BRF1: variants seen among roughly 807,000 people sequenced by gnomAD.
The protein encoded by BRF1 is BRF1 general transcription factor IIIB subunit.
In BRF1, 59 loss-of-function variants were observed where a neutral mutation model predicts 81.7. The ratio of observed to expected loss-of-function variants is 0.72; its 90% CI spans 0.59 to 0.90. The LOEUF (loss-of-function observed/expected upper bound fraction) is 0.90. Among genes scored for constraint, BRF1 ranks in the 40% least tolerant of loss-of-function variants. The pLI is 0.00. For synonymous variants in BRF1, 491 were observed against 395.6 expected, an observed-to-expected ratio of 1.24 and a Z score of -2.86; for missense variants, 1,050 against 936.3, an observed-to-expected ratio of 1.12 and a Z score of -1.58.
At chr14:105,220,208 A>G in intron 11 of BRF1, 78 bp from the exon 12 acceptor site, 1 of 1,566,808 alleles carries the variant, frequency 6.4e-7, no homozygotes, top group Non-Finnish European at 8.7e-7. Context: ...GGGCTGGCTC[A>G]GGACCCTGGG....
intron 4 of BRF1, among the ~76,000 whole-genome samples, chr14:105,253,242 C>G (rs867363676): frequency 6.6e-6 from 1 of 152,202 alleles, no homozygotes; most frequent in Non-Finnish European, 1.5e-5. Context: ...TGCCGTGGGC[C>G]GAGTACCCCT....
At chr14:105,241,575 C>G in intron 5 of BRF1, 161 bp from the exon 6 acceptor site, 4 of 930,392 alleles carry the variant, frequency 4.3e-6, no homozygotes, top group Non-Finnish European at 4.8e-6. Flanking sequence ...TGACCCTCAG[C>G]TAGGGCAGCC....
At position 105,310,313 on chromosome 14, in the gene BRF1, G is replaced by C. The variant is rs587751964; in HGVS notation, c.-162+5009C>G. On this transcript the variant is annotated intron_variant, in intron 1 of 17. Transcript: ENST00000327359. ...TGGGAGGTCGAGGCGGGCGGATCAT[G>C]AGGTCAGGAGATCAAGACCATCCTG... Among the ~76,000 whole-genome samples the C allele has an allele frequency of 2.2e-4, 33 of 151,282 alleles. No homozygotes were observed. The South Asian group carries it at 6.7e-3, about 31-fold the overall frequency.
intron 5 of BRF1, chr14:105,242,228 C>CA (rs1180255972): frequency 6.6e-6 from 1 of 152,166 alleles, no homozygotes; most frequent in Non-Finnish European, 1.5e-5. Context: ...TTACACACTG[C>CA]ATGAACGCAT....
intron 1 of BRF1, among the ~76,000 whole-genome samples, chr14:105,312,949 C>T (rs1421112347): frequency 2.0e-5 from 3 of 152,212 alleles, no homozygotes; most frequent in Non-Finnish European, 4.4e-5. Flanking sequence ...CCCCTGGCAG[C>T]TGCATAACCT....
chr14:105,209,513 T>TA lies in BRF1; in HGVS notation c.*1037dup, dbSNP rs1392755033. On this transcript the variant is annotated 3_prime_UTR_variant, in exon 18 of 18. Transcript: ENST00000547530. The stretch of plus-strand genomic sequence containing the variant: ...GCTCTGCCTCAAGGCCACCCCCTCC[T>TA]AAGGACACAGGGTGAAGCCCCCTCG... 4.3e-6 allele frequency: 3 copies of TA among 702,100 alleles called. No individual in the cohort carries two copies. Among genetic ancestry groups the TA allele is most frequent in the Non-Finnish European group, 7.8e-6 (3 of 384,688 alleles). 43.5% of individuals were successfully genotyped at this position (702,100 alleles called of 1,614,324 possible). A position where few individuals can be genotyped will look rare whatever the true frequency, so the allele number is the denominator to read the frequency against.
intron 10 of BRF1, among the ~76,000 whole-genome samples, chr14:105,224,891 A>G (rs1892845989): frequency 6.6e-6 from 1 of 152,226 alleles, no homozygotes; most frequent in Non-Finnish European, 1.5e-5. Flanking sequence ...TTCCAATACA[A>G]GATTCCTGGC....
chr14:105,306,663 T>C (rs2058197537), intron 1 of BRF1, among the ~76,000 whole-genome samples: 1 of 151,366 alleles, frequency 6.6e-6, no homozygotes, highest in Admixed American at 6.6e-5. Context: ...TGTAGTGCAA[T>C]GGCACGATCT....
At chr14:105,256,342 C>T (rs1316152471) in intron 4 of BRF1, 176 bp downstream of exon 4, 2 of 1,554,958 alleles carry the variant, frequency 1.3e-6, no homozygotes, top group African/African-American at 2.7e-5. Context: ...GGACTGTGAC[C>T]CCCATGTCAT....
intron 15 of BRF1, 35 bp from the exon 16 acceptor site, chr14:105,212,199 C>G (rs776580059): frequency 8.1e-6 from 13 of 1,601,534 alleles, no homozygotes; most frequent in Non-Finnish European, 1.0e-5. Context: ...GGCCTCAGCC[C>G]AGGCTCCCGA....
intron 3 of BRF1, among the ~76,000 whole-genome samples, chr14:105,261,145 T>C (rs1462008126): frequency 1.3e-5 from 2 of 152,232 alleles, no homozygotes; most frequent in Non-Finnish European, 2.9e-5. Context: ...TGGGGCCTCT[T>C]TCTGCCTCCC....
chr14:105,226,341 G>A (rs1213891919), intron 8 of BRF1, 51 bp from the exon 9 acceptor site: 5 of 1,612,188 alleles, frequency 3.1e-6, no homozygotes, highest in Non-Finnish European at 4.2e-6. Context: ...CTGGTGCACA[G>A]CGCAGCCTCT....
At chr14:105,225,300 A>C (rs956099369) in intron 10 of BRF1, among the ~76,000 whole-genome samples, 1 of 152,180 alleles carries the variant, frequency 6.6e-6, no homozygotes, top group Non-Finnish European at 1.5e-5. Context: ...TAAGCCCCAC[A>C]ACCAACCAAA....
chr14:105,229,087 C>G (rs767517690), intron 6 of BRF1, among the ~76,000 whole-genome samples, 174 bp from the exon 7 acceptor site: 51 of 151,438 alleles, frequency 3.4e-4, no homozygotes, highest in Admixed American at 1.4e-3. Context: ...CGACATGACC[C>G]TCTCTATCTT....
chr14:105,228,886 T>A lies in BRF1; in HGVS notation c.722A>T (p.Asp241Val). 2 of 1,613,720 alleles carry A rather than the reference T, an allele frequency of 1.2e-6. No individual in the cohort carries two copies. Among genetic ancestry groups the A allele is most frequent in the Non-Finnish European group, 1.7e-6 (2 of 1,180,004 alleles). The change falls in exon 7 of 18, where the codon GAC (aspartate) becomes GTC (valine). Residue 241 changes from aspartate to valine, a missense_variant. Physicochemically the swap from Asp to Val is radical, Grantham distance 152. This residue lies in a region of BRF1 where 1,043 missense variants were observed against 915.4 expected (regional missense o/e 1.14). Transcript: ENST00000547530. ...AALLVAARMH[D>V]FRRTVKEVIS... is the part of the protein sequence containing the mutation. ...GACCTCCTTCACAGTCCTCCTGAAG[T>A]CATGCATTCTGGCTGCAACCAGGAG...
intron 7 of BRF1, among the ~76,000 whole-genome samples, chr14:105,228,619 C>A (rs888853887): frequency 7.9e-5 from 12 of 151,872 alleles, no homozygotes; most frequent in African/African-American, 2.9e-4. Context: ...GAAGGACTAG[C>A]AGGGAACTCT....
At chr14:105,242,351 A>G (rs1466849277) in intron 5 of BRF1, 2 of 152,214 alleles carry the variant, frequency 1.3e-5, no homozygotes, top group African/African-American at 2.4e-5. Context: ...ATTTGGAGAA[A>G]AAAATTAGAT....
At chr14:105,291,976 C>G (rs1452083879) in intron 1 of BRF1, among the ~76,000 whole-genome samples, 1 of 151,928 alleles carries the variant, frequency 6.6e-6, no homozygotes, top group Non-Finnish European at 1.5e-5. Flanking sequence ...CCAGCCTGGG[C>G]AACAAGAGAG....
chr14:105,274,179 T>G (rs746827467), intron 2 of BRF1, among the ~76,000 whole-genome samples: 1 of 152,192 alleles, frequency 6.6e-6, no homozygotes, highest in Non-Finnish European at 1.5e-5. Flanking sequence ...TACCTTCCCT[T>G]GAACTTAATT....
Sources: allele counts gnomAD v4.1 joint callset (sites outside exome capture counted in the v4.1 genomes callset), GRCh38; gene constraint gnomAD v4.1.1; regional missense constraint gnomAD v4.1.1; transcripts MANE v1.5; gene names NCBI Gene and HGNC (gene_info 2026-07-23, HGNC 2026-07-21).